ANGPT1: variants seen among roughly 807,000 people sequenced by gnomAD.
ANGPT1 encodes the protein angiopoietin-1.
A neutral mutation model predicts 62.2 loss-of-function variants in ANGPT1; 17 were observed. The ratio of observed to expected loss-of-function variants is 0.27; its 90% confidence interval spans 0.19 to 0.41. ANGPT1 has a LOEUF of 0.41. Ranked by LOEUF, ANGPT1 falls within the 10% of genes least tolerant of loss-of-function variation. The pLI is 1.00. For missense variants in ANGPT1, 478 were observed against 594.9 expected (o/e 0.80, Z 2.04); for synonymous variants, 199 against 198.9 (o/e 1.00, Z 0.00).
chr8:107,302,868 C>T (rs1814626740), intron 5 of ANGPT1, among the ~76,000 whole-genome samples: 1 of 151,872 alleles, frequency 6.6e-6, no homozygotes, highest in African/African-American at 2.4e-5. Flanking sequence ...CAGTATTTGG[C>T]TTTGGATAAT....
intron 1 of ANGPT1, among the ~76,000 whole-genome samples, chr8:107,419,003 A>G (rs563652222): frequency 6.6e-6 from 1 of 152,238 alleles, no homozygotes; most frequent in African/African-American, 2.4e-5. Context: ...AAGTTAAACC[A>G]GTATCCTAAA....
At chr8:107,406,719 C>T (rs539567585) in intron 1 of ANGPT1, among the ~76,000 whole-genome samples, 7 of 151,936 alleles carry the variant, frequency 4.6e-5, no homozygotes, top group African/African-American at 1.4e-4. Flanking sequence ...TATAATAATA[C>T]ACATGAAGAA....
Position 107,328,136 on chromosome 8 carries a change from T to G in ANGPT1, c.576-6008A>C, listed in dbSNP as rs150195580. On this transcript the variant is annotated intron_variant, in intron 3 of 8. Transcript: ENST00000517746. ...AGATGTTGAAAATATAGAAACCTCA[T>G]TTTTATCTGTCTGAATCTATTTACA... Among the ~76,000 whole-genome samples the G allele has an allele frequency of 5.3e-3, 812 of 152,196 alleles. 10 individuals are homozygous for G. The highest frequency in any genetic ancestry group is 0.019 in the African/African-American group (777 of 41,554).
chr8:107,264,421 G>C, intron 7 of ANGPT1, 70 bp from the exon 8 acceptor site: 1 of 1,544,188 alleles, frequency 6.5e-7, no homozygotes, highest in Non-Finnish European at 8.7e-7. Flanking sequence ...AGACCAGCTT[G>C]TTGAATGTTT....
chr8:107,493,087 T>A (rs1813007330), intron 1 of ANGPT1, among the ~76,000 whole-genome samples: 1 of 150,718 alleles, frequency 6.6e-6, no homozygotes, highest in Admixed American at 6.6e-5. Context: ...ATTTTATAGT[T>A]ACCACTATAC....
At chr8:107,442,376 T>C (rs1243029448) in intron 1 of ANGPT1, among the ~76,000 whole-genome samples, 1 of 152,022 alleles carries the variant, frequency 6.6e-6, no homozygotes, top group Non-Finnish European at 1.5e-5. Context: ...CATTTTCTTA[T>C]GTTACCATCT....
At chr8:107,273,040 C>T (rs1813776195) in intron 7 of ANGPT1, among the ~76,000 whole-genome samples, 1 of 151,884 alleles carries the variant, frequency 6.6e-6, no homozygotes, top group South Asian at 2.1e-4. Flanking sequence ...CTGGTCTGAC[C>T]CTCTTGTGGT....
intron 7 of ANGPT1, among the ~76,000 whole-genome samples, chr8:107,268,044 TTG>T (rs1432167455): frequency 6.6e-6 from 1 of 152,092 alleles, no homozygotes; most frequent in East Asian, 1.9e-4. Context: ...TGTATTTTAA[TTG>T]TCTTTTCACT....
intron 1 of ANGPT1, among the ~76,000 whole-genome samples, chr8:107,361,070 T>C (rs910914391): frequency 6.6e-6 from 1 of 152,206 alleles, no homozygotes; most frequent in African/African-American, 2.4e-5. Context: ...TGGATTAGTA[T>C]CATGTTTGTT....
chr8:107,382,897 GAAC>G (rs959214877), intron 1 of ANGPT1, among the ~76,000 whole-genome samples: 6 of 152,122 alleles, frequency 3.9e-5, no homozygotes, highest in Non-Finnish European at 5.9e-5. Context: ...ATTTCAATCT[GAAC>G]AACGATAAAT....
chr8:107,477,109 G>GT (rs1465661538), intron 1 of ANGPT1, among the ~76,000 whole-genome samples: 5 of 152,152 alleles, frequency 3.3e-5, no homozygotes, highest in Admixed American at 1.3e-4. Context: ...AAGTTTGACA[G>GT]TAAGTTTCTA....
At chr8:107,316,324 C>A (rs903264674) in intron 4 of ANGPT1, among the ~76,000 whole-genome samples, 2 of 152,134 alleles carry the variant, frequency 1.3e-5, no homozygotes, top group African/African-American at 4.8e-5. Context: ...GTATTCAGAA[C>A]AAGACTCTGG....
intron 1 of ANGPT1, among the ~76,000 whole-genome samples, chr8:107,402,868 A>G (rs1817072274): frequency 6.6e-6 from 1 of 152,192 alleles, no homozygotes; most frequent in African/African-American, 2.4e-5. Context: ...CACTACTAAG[A>G]ATTTATTTCA....
intron 1 of ANGPT1, among the ~76,000 whole-genome samples, chr8:107,440,507 A>C (rs1811447550): frequency 6.6e-6 from 1 of 152,236 alleles, no homozygotes; most frequent in South Asian, 2.1e-4. Context: ...GATATACATG[A>C]GAGCAAATGT....
chr8:107,395,390 A>G (rs1816915720), intron 1 of ANGPT1, among the ~76,000 whole-genome samples: 1 of 152,182 alleles, frequency 6.6e-6, no homozygotes, highest in Admixed American at 6.5e-5. Flanking sequence ...TAACATTTAT[A>G]TGCATTTACT....
At chr8:107,387,440 T>C (rs1433001405) in intron 1 of ANGPT1, among the ~76,000 whole-genome samples, 1 of 152,082 alleles carries the variant, frequency 6.6e-6, no homozygotes, top group Non-Finnish European at 1.5e-5. Flanking sequence ...GCAAAATCCC[T>C]GGGCAGCAAA....
chr8:107,446,310 G>A (rs1306564868), intron 1 of ANGPT1, among the ~76,000 whole-genome samples: 2 of 152,148 alleles, frequency 1.3e-5, no homozygotes, highest in East Asian at 3.8e-4. Context: ...TTTGTAGTAA[G>A]TATTTGATTA....
intron 1 of ANGPT1, among the ~76,000 whole-genome samples, chr8:107,450,725 T>TGG (rs113321360): frequency 0.16 from 24,548 of 151,130 alleles, 2,175 homozygotes; most frequent in Non-Finnish European, 0.21. Context: ...TGTGTGTGTG[T>TGG]GTGTGCATGT....
intron 1 of ANGPT1, among the ~76,000 whole-genome samples, chr8:107,453,614 A>G (rs937760404): frequency 6.6e-6 from 1 of 152,094 alleles, no homozygotes; most frequent in Admixed American, 6.6e-5. Context: ...TGGGAATTCA[A>G]GAAGAGATTT....
Sources: gnomAD v4.1 joint callset for allele counts (sites outside exome capture counted in the v4.1 genomes callset) on GRCh38, gnomAD v4.1.1 for gene constraint, MANE v1.5 for transcripts, NCBI Gene and HGNC (gene_info 2026-07-23, HGNC 2026-07-21) for gene names.